The following NPNT variants were observed in gnomAD, a reference collection of about 807,000 sequenced individuals.
NPNT encodes preosteoblast EGF-like repeat protein with MAM domain.
A neutral mutation model predicts 68.6 loss-of-function variants in NPNT; 45 were observed. That is an observed-to-expected ratio of 0.66 (90% CI 0.52 to 0.84). The LOEUF (loss-of-function observed/expected upper bound fraction) is 0.84. Ranked by LOEUF, NPNT falls within the 40% of genes least tolerant of loss-of-function variation. The pLI is 0.00. For synonymous variants in NPNT, 233 were observed against 253.3 expected (o/e 0.92, Z 0.76); for missense variants, 672 against 714.8 (o/e 0.94, Z 0.68).
At chr4:105,913,058 G>T (rs1004540711) in intron 2 of NPNT, among the ~76,000 whole-genome samples, 2 of 152,062 alleles carry the variant, frequency 1.3e-5, no homozygotes, top group Admixed American at 1.3e-4. Context: ...GTAGAGATGG[G>T]GTTTTGCCAT....
chr4:105,921,177 A>G (rs986020029), intron 2 of NPNT, among the ~76,000 whole-genome samples: 9 of 152,278 alleles, frequency 5.9e-5, no homozygotes, highest in Middle Eastern at 3.4e-3. Flanking sequence ...TTTAATCATT[A>G]TTAACATTCT....
intron 10 of NPNT, among the ~76,000 whole-genome samples, chr4:105,961,016 C>T (rs1310031021): frequency 6.6e-6 from 1 of 152,128 alleles, no homozygotes; most frequent in Admixed American, 6.5e-5. Flanking sequence ...TGCATTTCTT[C>T]TATTGTGAAA....
intron 5 of NPNT, 127 bp downstream of exon 5, chr4:105,938,547 A>T: frequency 1.1e-6 from 1 of 926,742 alleles, no homozygotes; most frequent in Non-Finnish European, 1.6e-6. Flanking sequence ...CGTTCAGAAG[A>T]TATCAGATGT....
rs201333808 is a variant in NPNT, at chr4:105,900,841, T to TTG, written c.172+2841_172+2842insGT. Among the ~76,000 whole-genome samples the TTG allele has an allele frequency of 4.6e-3, 694 of 149,972 alleles. 7 individuals carry two copies. Among genetic ancestry groups the TTG allele is most frequent in the African/African-American group, 0.016 (640 of 39,782 alleles). On this transcript the variant is annotated intron_variant, in intron 2 of 11. Transcript: ENST00000379987. The stretch of plus-strand genomic sequence containing the variant: ...TAGGTCATACCCTTGGTTGTTTTTT[T>TTG]TTTTTTTTTTTTTGATTCTTTGTTT...
At chr4:105,933,236 C>G (rs1729255630) in intron 3 of NPNT, among the ~76,000 whole-genome samples, 1 of 152,174 alleles carries the variant, frequency 6.6e-6, no homozygotes, top group African/African-American at 2.4e-5. Context: ...CAATCAGTAA[C>G]AGGGAGACAG....
intron 2 of NPNT, among the ~76,000 whole-genome samples, chr4:105,900,296 A>C (rs1329226083): frequency 1.3e-5 from 2 of 152,204 alleles, no homozygotes; most frequent in Non-Finnish European, 2.9e-5. Flanking sequence ...CCATTACTGC[A>C]TAGATCTTCC....
At chr4:105,961,943 TA>T (rs1731752655) in intron 10 of NPNT, among the ~76,000 whole-genome samples, 1 of 152,108 alleles carries the variant, frequency 6.6e-6, no homozygotes, top group South Asian at 2.1e-4. Context: ...AAAATTAGAT[TA>T]ATGGGTCACA....
At chr4:105,916,277 T>C (rs1727811394) in intron 2 of NPNT, among the ~76,000 whole-genome samples, 1 of 152,034 alleles carries the variant, frequency 6.6e-6, no homozygotes, top group Non-Finnish European at 1.5e-5. Context: ...TGGAGTGCAA[T>C]GGTGCGAGCT....
chr4:105,969,140 GC>G lies in NPNT; in HGVS notation c.*152del. On this transcript the variant is annotated 3_prime_UTR_variant, in exon 12 of 12. Coordinates refer to ENST00000379987, the MANE Select transcript of NPNT (RefSeq NM_001033047.3). ...CTATTTGGTGACCCAGGTTTTTCTG[GC>G]CTGCTTTTGTGCAATCCCAATGAAC... The G allele has an allele frequency of 1.8e-6, 1 of 571,114 alleles. No homozygotes were observed. Among genetic ancestry groups the G allele is most frequent in the Non-Finnish European group, 3.1e-6 (1 of 321,238 alleles). 35.4% of individuals were successfully genotyped at this position (571,114 alleles called of 1,614,324 possible).
At chr4:105,967,502 C>T (rs1732263000) in intron 11 of NPNT, 58 bp downstream of exon 11, 2 of 1,467,740 alleles carry the variant, frequency 1.4e-6, no homozygotes, top group Admixed American at 2.5e-5. Context: ...TAGGAGAACT[C>T]TGGGATCTGA....
At position 105,923,060 on chromosome 4, in the gene NPNT, T is replaced by C. The variant is rs114855627; in HGVS notation, c.173-4276T>C. ...CGTTGTTTACTCCAAACAAGAATTT[T>C]AATATTTTTGAAGACCACTGAAAAT... is the stretch of plus-strand genomic sequence containing the variant. On this transcript the variant is annotated intron_variant, in intron 2 of 11. Coordinates refer to ENST00000379987, the MANE Select transcript of NPNT (RefSeq NM_001033047.3). 8.5e-3 allele frequency among the ~76,000 whole-genome samples: 1,297 copies of C among 152,314 alleles called. 14 individuals are homozygous for C. The highest frequency in any genetic ancestry group is 0.027 in the African/African-American group (1,124 of 41,562).
chr4:105,933,279 G>A (rs762945265), intron 3 of NPNT, among the ~76,000 whole-genome samples: 18 of 152,178 alleles, frequency 1.2e-4, no homozygotes, highest in African/African-American at 2.7e-4. Flanking sequence ...TGGGGTTGGC[G>A]TGAGAATAGA....
chr4:105,951,391 G>GCTGCGTGTTGTCCTGAGGTTTTTCC (rs1730823337), intron 8 of NPNT, among the ~76,000 whole-genome samples: 1 of 152,166 alleles, frequency 6.6e-6, no homozygotes, highest in Non-Finnish European at 1.5e-5. Flanking sequence ...TTTACTGATT[G>GCTGCGTGTTGTCCTGAGGTTTTTCC]CTGCGTGTTG....
chr4:105,953,596 T>C (rs1312127755), intron 8 of NPNT, among the ~76,000 whole-genome samples: 3 of 152,156 alleles, frequency 2.0e-5, no homozygotes, highest in Non-Finnish European at 4.4e-5. Context: ...GTAGAGAGAA[T>C]AGGGGGAGAG....
chr4:105,947,208 C>T (rs911129888), intron 8 of NPNT, among the ~76,000 whole-genome samples: 7 of 152,108 alleles, frequency 4.6e-5, no homozygotes, highest in South Asian at 4.1e-4. Flanking sequence ...TTCCCTTGTT[C>T]CCTAAAATCG....
chr4:105,907,472 C>T (rs1044671315), intron 2 of NPNT, among the ~76,000 whole-genome samples: 1 of 152,082 alleles, frequency 6.6e-6, no homozygotes, highest in Non-Finnish European at 1.5e-5. Context: ...GAATTGTCAC[C>T]GTATATCAAC....
chr4:105,918,501 C>A (rs890872542), intron 2 of NPNT, among the ~76,000 whole-genome samples: 1 of 151,762 alleles, frequency 6.6e-6, no homozygotes, highest in African/African-American at 2.4e-5. Flanking sequence ...TGAAAGATAT[C>A]TTTTATGTTT....
At chr4:105,923,592 C>G (rs1728429352) in intron 2 of NPNT, among the ~76,000 whole-genome samples, 1 of 152,134 alleles carries the variant, frequency 6.6e-6, no homozygotes, top group African/African-American at 2.4e-5. Context: ...ATTATGACTT[C>G]TTGCTCTACC....
chr4:105,949,911 T>G (rs559810209), intron 8 of NPNT, among the ~76,000 whole-genome samples: 1 of 152,314 alleles, frequency 6.6e-6, no homozygotes, highest in South Asian at 2.1e-4. Flanking sequence ...ATATCCTGTT[T>G]ATGATATTTT....
Sources: allele counts gnomAD v4.1 joint callset (sites outside exome capture counted in the v4.1 genomes callset), GRCh38; gene constraint gnomAD v4.1.1; transcripts MANE v1.5; gene names NCBI Gene and HGNC (gene_info 2026-07-23, HGNC 2026-07-21).